The following PDE7B variants were observed in gnomAD, a reference collection of about 807,000 sequenced individuals.
The protein encoded by PDE7B is 3',5'-cyclic-AMP phosphodiesterase 7B.
In PDE7B, 29 loss-of-function variants were observed where a neutral mutation model predicts 56.2. The observed-to-expected ratio is 0.52, with a 90% CI of 0.38 to 0.70. PDE7B has a LOEUF of 0.70. PDE7B is among the 30% of genes least tolerant of loss of function. The pLI is 0.00. For synonymous variants in PDE7B, 197 were observed against 196.9 expected (o/e 1.00, Z 0.00); for missense variants, 490 against 565.0 (o/e 0.87, Z 1.35).
intron 2 of PDE7B, among the ~76,000 whole-genome samples, chr6:136,043,135 A>G (rs1273444862): frequency 6.6e-6 from 1 of 152,250 alleles, no homozygotes; most frequent in African/African-American, 2.4e-5. Flanking sequence ...GTATTAATTC[A>G]TAATATTTTT....
At chr6:136,111,324 T>A (rs1417741117) in intron 3 of PDE7B, among the ~76,000 whole-genome samples, 4 of 152,194 alleles carry the variant, frequency 2.6e-5, no homozygotes, top group Non-Finnish European at 5.9e-5. Flanking sequence ...AAGGGTCTCC[T>A]CGAAAACATT....
intron 2 of PDE7B, among the ~76,000 whole-genome samples, chr6:135,955,678 T>C (rs1774780005): frequency 6.6e-6 from 1 of 152,056 alleles, no homozygotes; most frequent in Non-Finnish European, 1.5e-5. Flanking sequence ...AGGATATCGC[T>C]GAAGAAAGAC....
At chr6:135,971,462 C>T (rs1221878124) in intron 2 of PDE7B, among the ~76,000 whole-genome samples, 2 of 152,072 alleles carry the variant, frequency 1.3e-5, no homozygotes, top group Admixed American at 1.3e-4. Flanking sequence ...TTTAGGCAGA[C>T]CCCGTCAGAG....
intron 2 of PDE7B, among the ~76,000 whole-genome samples, chr6:136,003,121 A>G (rs1045005270): frequency 2.0e-5 from 3 of 152,226 alleles, no homozygotes; most frequent in Non-Finnish European, 4.4e-5. Flanking sequence ...TAACGAAATG[A>G]AGGTAGAAAT....
intron 3 of PDE7B, 54 bp from the exon 4 acceptor site, chr6:136,147,297 A>G: frequency 8.1e-7 from 1 of 1,237,870 alleles, no homozygotes; most frequent in Non-Finnish European, 1.1e-6. Context: ...CAGAGTGGAG[A>G]AAATTGGCTC....
chr6:135,966,641 T>C (rs1298638252), intron 2 of PDE7B, among the ~76,000 whole-genome samples: 3 of 152,166 alleles, frequency 2.0e-5, no homozygotes, highest in Admixed American at 2.0e-4. Context: ...GCCTCTCTGA[T>C]GCCCTTTTTG....
At chr6:136,107,600 G>A (rs1777667268) in intron 2 of PDE7B, among the ~76,000 whole-genome samples, 1 of 152,108 alleles carries the variant, frequency 6.6e-6, no homozygotes, top group Non-Finnish European at 1.5e-5. Context: ...TATTATTTTA[G>A]CTTCTCTGAC....
chr6:135,870,315 G>T (rs953905607), intron 1 of PDE7B, among the ~76,000 whole-genome samples: 1 of 152,044 alleles, frequency 6.6e-6, no homozygotes, highest in Non-Finnish European at 1.5e-5. Flanking sequence ...GCATGTTCTG[G>T]CTCTGCCCCC....
intron 2 of PDE7B, among the ~76,000 whole-genome samples, chr6:136,081,934 A>C (rs1762032064): frequency 6.6e-6 from 1 of 152,126 alleles, no homozygotes; most frequent in African/African-American, 2.4e-5. Flanking sequence ...TAACTTGGAG[A>C]GGTGGTCAAA....
intron 3 of PDE7B, among the ~76,000 whole-genome samples, chr6:136,122,998 A>G (rs920923751): frequency 5.9e-5 from 9 of 152,184 alleles, no homozygotes; most frequent in African/African-American, 1.7e-4. Context: ...CTGAGCACCT[A>G]TGTGTCAGGC....
At chr6:135,906,806 GTTTGT>G (rs1233280495) in intron 1 of PDE7B, among the ~76,000 whole-genome samples, 2 of 32,434 alleles carry the variant, frequency 6.2e-5, no homozygotes, top group African/African-American at 2.5e-4. Context: ...TGTTAATGAG[GTTTGT>G]TTTTTTTTTT....
intron 2 of PDE7B, among the ~76,000 whole-genome samples, chr6:136,035,952 T>C (rs755736449): frequency 1.3e-5 from 2 of 152,262 alleles, no homozygotes; most frequent in Non-Finnish European, 2.9e-5. Context: ...GATATCCTGA[T>C]GCTAAGTACT....
chr6:136,005,792 T>G (rs935751213), intron 2 of PDE7B, among the ~76,000 whole-genome samples: 3 of 152,174 alleles, frequency 2.0e-5, no homozygotes, highest in Non-Finnish European at 4.4e-5. Context: ...TGGAAGTCAG[T>G]GTGGCGATTC....
intron 1 of PDE7B, among the ~76,000 whole-genome samples, chr6:135,902,987 A>G (rs1776033085): frequency 6.6e-6 from 1 of 152,210 alleles, no homozygotes; most frequent in Non-Finnish European, 1.5e-5. Context: ...TGGTATTTAG[A>G]TTCCAAACCA....
intron 3 of PDE7B, among the ~76,000 whole-genome samples, chr6:136,121,930 T>G (rs1209094459): frequency 6.6e-6 from 1 of 152,174 alleles, no homozygotes; most frequent in Admixed American, 6.5e-5. Flanking sequence ...AAAATTAGGC[T>G]GAAACCCTTA....
intron 3 of PDE7B, among the ~76,000 whole-genome samples, chr6:136,141,486 G>C: frequency 6.6e-6 from 1 of 152,208 alleles, no homozygotes; most frequent in Non-Finnish European, 1.5e-5. Flanking sequence ...CTCATAAAAT[G>C]AGTTAGGGAG....
intron 2 of PDE7B, among the ~76,000 whole-genome samples, chr6:136,077,723 T>C (rs1777146487): frequency 6.6e-6 from 1 of 152,208 alleles, no homozygotes; most frequent in Admixed American, 6.5e-5. Context: ...TATGGTATTG[T>C]ATAATATTCC....
At chr6:135,934,372 T>TTTTA (rs982897534) in intron 1 of PDE7B, among the ~76,000 whole-genome samples, 1 of 152,054 alleles carries the variant, frequency 6.6e-6, no homozygotes, top group African/African-American at 2.4e-5. Context: ...TTAAAACAAA[T>TTTTA]TTTATTTATT....
At chr6:136,104,932 T>C (rs1040706775) in intron 2 of PDE7B, among the ~76,000 whole-genome samples, 2 of 152,202 alleles carry the variant, frequency 1.3e-5, no homozygotes, top group Non-Finnish European at 2.9e-5. Flanking sequence ...GGTTTCCTTA[T>C]TTGTTGTTAT....
Sources: allele counts gnomAD v4.1 joint callset (sites outside exome capture counted in the v4.1 genomes callset), GRCh38; gene constraint gnomAD v4.1.1; transcripts MANE v1.5; gene names NCBI Gene and HGNC (gene_info 2026-07-23, HGNC 2026-07-21).